CALD1: variants seen among roughly 807,000 people sequenced by gnomAD.
The protein encoded by CALD1 is caldesmon.
CALD1 carries 33 observed loss-of-function variants against 99.9 expected under a neutral mutation model. That is an observed-to-expected ratio of 0.33 (90% CI 0.25 to 0.44). The LOEUF (loss-of-function observed/expected upper bound fraction) is 0.44, where lower values mean the gene tolerates loss of function less well. CALD1 is among the 20% of genes least tolerant of loss of function. The probability of loss-of-function intolerance (pLI) is 1.00; values close to 1 mark genes in which losing one functional copy is unlikely to be tolerated. For synonymous variants in CALD1, 310 were observed against 325.0 expected (o/e 0.95, Z 0.50); for missense variants, 861 against 962.1 (o/e 0.89, Z 1.39).
At chr7:134,921,798 A>AAAAACAAAAC (rs199982116) in intron 3 of CALD1, among the ~76,000 whole-genome samples, 1 of 152,160 alleles carries the variant, frequency 6.6e-6, no homozygotes, top group African/African-American at 2.4e-5. Flanking sequence ...TTCTGTCTCA[A>AAAAACAAAAC]AAAACAAAAC....
At chr7:134,727,975 C>T in the CALD1 span, among the ~76,000 whole-genome samples, 3 of 152,154 alleles carry the variant, frequency 2.0e-5, no homozygotes, top group South Asian at 2.1e-4. Context: ...AAGAAGTAAA[C>T]GATCCAAGTC....
At chr7:134,872,052 G>A (rs764670809) in intron 3 of CALD1, among the ~76,000 whole-genome samples, 1 of 152,108 alleles carries the variant, frequency 6.6e-6, no homozygotes, top group Non-Finnish European at 1.5e-5. Flanking sequence ...AAATAACCTC[G>A]ACTGCAAACG....
intron 1 of CALD1, among the ~76,000 whole-genome samples, chr7:134,754,829 T>A (rs954292664): frequency 6.6e-6 from 1 of 152,154 alleles, no homozygotes; most frequent in Non-Finnish European, 1.5e-5. Flanking sequence ...ATAGCTTATA[T>A]GTGTGTGTGA....
chr7:134,829,958 G>T (rs1003734307), intron 1 of CALD1, among the ~76,000 whole-genome samples: 1 of 152,062 alleles, frequency 6.6e-6, no homozygotes, highest in East Asian at 1.9e-4. Context: ...AGGAGGAAGT[G>T]TATGAAATGA....
chr7:134,819,741 T>C (rs1798699484), intron 1 of CALD1, among the ~76,000 whole-genome samples: 2 of 152,198 alleles, frequency 1.3e-5, no homozygotes, highest in South Asian at 4.1e-4. Context: ...CCAGATGTGA[T>C]GGCACGTGCC....
At chr7:134,735,752 G>A in the CALD1 span, among the ~76,000 whole-genome samples, 1 of 152,122 alleles carries the variant, frequency 6.6e-6, no homozygotes, top group Non-Finnish European at 1.5e-5. Context: ...AGTTGAATTT[G>A]GAACTTTTTT....
At chr7:134,953,927 GGC>G (rs2133189808) in intron 9 of CALD1, among the ~76,000 whole-genome samples, 1 of 152,182 alleles carries the variant, frequency 6.6e-6, no homozygotes, top group South Asian at 2.1e-4. Flanking sequence ...CATATTCAGG[GGC>G]AGACAGTCTA....
chr7:134,942,392 G>A (rs531461671), intron 7 of CALD1, among the ~76,000 whole-genome samples: 16 of 152,066 alleles, frequency 1.1e-4, no homozygotes, highest in African/African-American at 3.9e-4. Flanking sequence ...CAATTTTTTT[G>A]TACGTAAATT....
intron 1 of CALD1, among the ~76,000 whole-genome samples, chr7:134,761,207 AT>A (rs896678145): frequency 2.6e-5 from 4 of 152,064 alleles, no homozygotes; most frequent in African/African-American, 9.7e-5. Flanking sequence ...GTGAAGTTTT[AT>A]TTTTACTTCT....
chr7:134,861,560 C>T (rs933660793), intron 2 of CALD1, among the ~76,000 whole-genome samples: 8 of 152,188 alleles, frequency 5.3e-5, no homozygotes, highest in Non-Finnish European at 7.3e-5. Context: ...TGTGACAAGC[C>T]TGGTGGAACT....
In CALD1 at chr7:134,964,953, C is replaced by T. The variant is rs573043496; in HGVS notation, c.2296-353C>T. Among the ~76,000 whole-genome samples, 16 of 151,932 alleles carry T rather than the reference C, an allele frequency of 1.1e-4. 1 individual carries two copies. In the South Asian group the frequency reaches 1.9e-3, roughly 18 times the overall value. On this transcript the variant is annotated intron_variant, in intron 13 of 14. Coordinates refer to ENST00000361675, the MANE Select transcript of CALD1 (RefSeq NM_033138.4). ...ACAACAGCTAACCCCATCTCTACTA[C>T]ACATACAAAAAAATTAGCCAGGCAT...
At position 134,783,347 on chromosome 7, in the gene CALD1, C is replaced by T. The variant is rs1797182146; in HGVS notation, c.-130+3598C>T. ...CCCCATCCCTGTACCGGATAGGGAGCTTTCTTGATCCAACATTGACAATTT... is the reference window on the plus strand; with the variant it reads ...CCCCATCCCTGTACCGGATAGGGAGTTTTCTTGATCCAACATTGACAATTT... On this transcript the variant is annotated intron_variant, in intron 1 of 14. Coordinates refer to ENST00000361675, the MANE Select transcript of CALD1 (RefSeq NM_033138.4). This position sits in a 1 kb window ranked among gnomAD's most constrained non-coding sequence, Gnocchi z 4.3. Among the ~76,000 whole-genome samples, 1 of 152,196 alleles carries T rather than the reference C, an allele frequency of 6.6e-6. No homozygotes were observed. Among genetic ancestry groups the T allele is most frequent in the Non-Finnish European group, 1.5e-5 (1 of 68,040 alleles).
At chr7:134,754,071 G>T (rs1402131462) in intron 1 of CALD1, among the ~76,000 whole-genome samples, 1 of 152,200 alleles carries the variant, frequency 6.6e-6, no homozygotes, top group Non-Finnish European at 1.5e-5. Context: ...GGGATGAGAT[G>T]AAGTCCCAGC....
intron 3 of CALD1, among the ~76,000 whole-genome samples, chr7:134,918,794 G>C (rs1804405252): frequency 6.6e-6 from 1 of 152,222 alleles, no homozygotes; most frequent in Admixed American, 6.5e-5. Flanking sequence ...TCAGGAGTTT[G>C]AGACCAGCCT....
At chr7:134,751,373 G>T (rs977018231) in intron 1 of CALD1, among the ~76,000 whole-genome samples, 3 of 152,094 alleles carry the variant, frequency 2.0e-5, no homozygotes, top group Non-Finnish European at 4.4e-5. Context: ...CGATTCCCAG[G>T]CATCTCCCAT....
intron 3 of CALD1, among the ~76,000 whole-genome samples, chr7:134,893,562 G>C (rs1802353834): frequency 6.6e-6 from 1 of 152,058 alleles, no homozygotes; most frequent in African/African-American, 2.4e-5. Flanking sequence ...GCATATACAA[G>C]CCACCACTGT....
chr7:134,914,529 T>A, intron 3 of CALD1, among the ~76,000 whole-genome samples: 1 of 152,340 alleles, frequency 6.6e-6, no homozygotes, highest in South Asian at 2.1e-4. Context: ...GAAAGAGCCT[T>A]ATACTTCGTT....
At chr7:134,729,150 C>T in the CALD1 span, among the ~76,000 whole-genome samples, 1 of 152,246 alleles carries the variant, frequency 6.6e-6, no homozygotes, top group Non-Finnish European at 1.5e-5. Context: ...CCACGCCTGG[C>T]CAAAAGACAT....
chr7:134,917,557 C>G (rs562932393), intron 3 of CALD1, among the ~76,000 whole-genome samples: 1 of 152,230 alleles, frequency 6.6e-6, no homozygotes, highest in South Asian at 2.1e-4. Flanking sequence ...ACCATGTTGG[C>G]CAGGCTGGTC....
Sources: gnomAD v4.1 joint callset for allele counts (sites outside exome capture counted in the v4.1 genomes callset) on GRCh38, gnomAD v4.1.1 for gene constraint, Gnocchi (gnomAD v3.1) non-coding constraint, MANE v1.5 for transcripts, NCBI Gene and HGNC (gene_info 2026-07-23, HGNC 2026-07-21) for gene names.